CFAP251: variants seen among roughly 807,000 people sequenced by gnomAD.
CFAP251 encodes the protein cilia- and flagella-associated protein 251.
CFAP251 carries 93 observed loss-of-function variants against 126.7 expected under a neutral mutation model. The ratio of observed to expected loss-of-function variants is 0.73; its 90% CI spans 0.62 to 0.87. The LOEUF is 0.87. Among genes scored for constraint, CFAP251 ranks in the 40% least tolerant of loss-of-function variants. CFAP251 has a pLI of 0.00. For synonymous variants in CFAP251, 503 were observed against 506.9 expected, an observed-to-expected ratio of 0.99 and a Z score of 0.10; for missense variants, 1,287 against 1,389.2, an observed-to-expected ratio of 0.93 and a Z score of 1.17.
intron 3 of CFAP251, among the ~76,000 whole-genome samples, chr12:121,928,074 C>T (rs1880490540): frequency 2.6e-5 from 4 of 152,154 alleles, no homozygotes; most frequent in Admixed American, 2.6e-4. Context: ...TAAGTGAAGT[C>T]AGCCTCGTGG....
At chr12:121,937,823 C>T (rs1211043334) in intron 5 of CFAP251, among the ~76,000 whole-genome samples, 4 of 152,206 alleles carry the variant, frequency 2.6e-5, no homozygotes, top group Non-Finnish European at 5.9e-5. Context: ...TCTAACACTT[C>T]ATTTCCTGTG....
chr12:121,984,569 G>A (rs1299214743), intron 19 of CFAP251, among the ~76,000 whole-genome samples: 2 of 152,184 alleles, frequency 1.3e-5, no homozygotes, highest in African/African-American at 2.4e-5. Flanking sequence ...GCCTCCCAAA[G>A]TGCTGGGATT....
At chr12:121,934,460 T>A in intron 5 of CFAP251, 104 bp downstream of exon 5, 1 of 863,384 alleles carries the variant, frequency 1.2e-6, no homozygotes, top group Non-Finnish European at 1.8e-6. Flanking sequence ...GAAATTTGAT[T>A]TGTTGGTGTT....
chr12:121,992,508 G>C, intron 19 of CFAP251: 1 of 984,798 alleles, frequency 1.0e-6, no homozygotes, highest in Non-Finnish European at 1.2e-6. Flanking sequence ...TTAGTCTCCT[G>C]TTCTGAACTG....
At chr12:121,920,460 G>A (rs12228603) in intron 1 of CFAP251, among the ~76,000 whole-genome samples, 8,909 of 149,448 alleles carry the variant, frequency 0.06, 489 homozygotes, top group East Asian at 0.2. Context: ...GCAGTGGCAC[G>A]ATCTCGGCTC....
At chr12:121,928,725 C>G in intron 3 of CFAP251, among the ~76,000 whole-genome samples, 1 of 139,792 alleles carries the variant, frequency 7.2e-6, no homozygotes, top group African/African-American at 2.7e-5. Flanking sequence ...GAGACAGGGT[C>G]TTGCTCTGTT....
intron 5 of CFAP251, among the ~76,000 whole-genome samples, chr12:121,941,330 CTTTTTTT>C (rs68005842): frequency 1.4e-4 from 12 of 87,708 alleles, no homozygotes; most frequent in African/African-American, 6.3e-4. Context: ...CCATGCTGGC[CTTTTTTT>C]TTTTTTTTTT....
intron 16 of CFAP251, among the ~76,000 whole-genome samples, chr12:121,967,624 C>A (rs1311962220): frequency 1.3e-5 from 2 of 152,152 alleles, no homozygotes; most frequent in African/African-American, 4.8e-5. Context: ...ATGGCATGAA[C>A]CCGGGAGGCG....
intron 15 of CFAP251, among the ~76,000 whole-genome samples, chr12:121,963,937 T>C (rs1254954263): frequency 6.6e-6 from 1 of 151,470 alleles, no homozygotes; most frequent in Non-Finnish European, 1.5e-5. Flanking sequence ...GTGTCTTGGG[T>C]ATGGCTGGAA....
Position 121,999,908 on chromosome 12 carries a change from C to G in CFAP251, c.3199C>G (p.Arg1067Gly). 1 of 1,613,920 alleles carries G rather than the reference C, an allele frequency of 6.2e-7. No homozygotes were observed. The highest frequency in any genetic ancestry group is 1.7e-5 in the Admixed American group (1 of 60,004). The change falls in exon 20 of 22, where the codon CGA (arginine) becomes GGA (glycine). Residue 1067 changes from arginine to glycine, a missense_variant. Physicochemically the swap from Arg to Gly is moderately radical, Grantham distance 125. Coordinates refer to ENST00000288912, the MANE Select transcript of CFAP251 (RefSeq NM_144668.6). ...YTNSKGKKAIRREDFLRLLVT... is the reference protein window; with the variant it reads ...YTNSKGKKAIGREDFLRLLVT... ...CAACTCCAAAGGGAAAAAGGCCATT[C>G]GAAGAGAGGACTTCCTGAGACTGCT...
chr12:121,971,222 C>T (rs1024926933), intron 17 of CFAP251, among the ~76,000 whole-genome samples: 1 of 152,172 alleles, frequency 6.6e-6, no homozygotes, highest in African/African-American at 2.4e-5. Flanking sequence ...AGAGAGGGAG[C>T]CCTCTCAGCT....
intron 5 of CFAP251, among the ~76,000 whole-genome samples, chr12:121,940,126 A>C (rs1038458500): frequency 6.6e-6 from 1 of 152,240 alleles, no homozygotes; most frequent in African/African-American, 2.4e-5. Flanking sequence ...AATCAACTAT[A>C]TATTTTAAAT....
chr12:121,966,908 G>A, intron 15 of CFAP251, 47 bp from the exon 16 acceptor site: 1 of 1,572,888 alleles, frequency 6.4e-7, no homozygotes, highest in Non-Finnish European at 8.7e-7. Context: ...TAAAACCTAT[G>A]TTGAGATTTG....
At chr12:121,992,702 CAAGT>C (rs879485514) in intron 19 of CFAP251, among the ~76,000 whole-genome samples, 30 of 151,968 alleles carry the variant, frequency 2.0e-4, no homozygotes, top group Middle Eastern at 3.2e-3. Context: ...CTCAGCCTCC[CAAGT>C]AGCTGGGACT....
chr12:121,965,370 A>G (rs1410239250), intron 15 of CFAP251, among the ~76,000 whole-genome samples: 2 of 152,212 alleles, frequency 1.3e-5, no homozygotes, highest in African/African-American at 4.8e-5. Flanking sequence ...CCTTTTGGGA[A>G]AGCAATTTGT....
intron 19 of CFAP251, among the ~76,000 whole-genome samples, chr12:121,987,178 A>G (rs1882770082): frequency 6.6e-6 from 1 of 152,214 alleles, no homozygotes; most frequent in Admixed American, 6.5e-5. Context: ...AGCCCTCAGT[A>G]TGTTGGGTCT....
chr12:121,949,151 A>G (rs1881432292), intron 8 of CFAP251, 90 bp downstream of exon 8: 1 of 788,742 alleles, frequency 1.3e-6, no homozygotes. Flanking sequence ...GTAACAATAT[A>G]GTATCTCTAC....
intron 4 of CFAP251, 25 bp downstream of exon 4, chr12:121,931,911 G>C (rs2135753337): frequency 1.3e-6 from 2 of 1,497,940 alleles, no homozygotes; most frequent in East Asian, 2.5e-5. Context: ...CCTTCCTACA[G>C]GTGGGGGAGT....
intron 8 of CFAP251, chr12:121,950,669 T>A (rs1881487397): frequency 6.6e-6 from 1 of 151,994 alleles, no homozygotes; most frequent in African/African-American, 2.4e-5. Flanking sequence ...GCAATTCTCC[T>A]GCCTCAGCTT....
Sources: allele counts gnomAD v4.1 joint callset (sites outside exome capture counted in the v4.1 genomes callset), GRCh38; gene constraint gnomAD v4.1.1; transcripts MANE v1.5; gene names NCBI Gene and HGNC (gene_info 2026-07-23, HGNC 2026-07-21).